Variants in PRKG1 observed in about 807,000 individuals in gnomAD.
The protein encoded by PRKG1 is cGMP-dependent protein kinase 1.
In PRKG1, 35 loss-of-function variants were observed where a neutral mutation model predicts 88.1. The ratio of observed to expected loss-of-function variants is 0.40; its 90% CI spans 0.30 to 0.53. The LOEUF (loss-of-function observed/expected upper bound fraction) is 0.53, where lower values mean the gene tolerates loss of function less well. Ranked by LOEUF, PRKG1 falls within the 20% of genes least tolerant of loss-of-function variation. PRKG1 has a pLI of 0.59. For synonymous variants in PRKG1, 303 were observed against 292.5 expected, an observed-to-expected ratio of 1.04 and a Z score of -0.37; for missense variants, 540 against 839.8, an observed-to-expected ratio of 0.64 and a Z score of 4.41.
intron 1 of PRKG1, among the ~76,000 whole-genome samples, chr10:51,087,287 TTGATGA>T (rs60114266): frequency 0.036 from 5,523 of 151,570 alleles, 122 homozygotes; most frequent in Middle Eastern, 0.058. Flanking sequence ...TGGTCAATTA[TTGATGA>T]TGATGATGAT....
chr10:52,126,627 T>C (rs1847937740), intron 7 of PRKG1, among the ~76,000 whole-genome samples: 1 of 152,178 alleles, frequency 6.6e-6, no homozygotes, highest in Non-Finnish European at 1.5e-5. Context: ...ATTACAAGTG[T>C]GTGCCGCCAA....
chr10:51,305,659 G>A (rs562483180), intron 2 of PRKG1, among the ~76,000 whole-genome samples: 8 of 152,244 alleles, frequency 5.3e-5, no homozygotes, highest in Admixed American at 1.3e-4. Flanking sequence ...TGATTTCAGC[G>A]TCTTCCTTAT....
intron 2 of PRKG1, among the ~76,000 whole-genome samples, chr10:51,372,731 A>G (rs957811028): frequency 1.3e-5 from 2 of 152,196 alleles, no homozygotes; most frequent in Non-Finnish European, 2.9e-5. Flanking sequence ...GCTTTGAAAA[A>G]TCACAAATTG....
intron 4 of PRKG1, among the ~76,000 whole-genome samples, chr10:51,820,612 C>T (rs998497187): frequency 6.6e-6 from 1 of 152,090 alleles, no homozygotes; most frequent in Non-Finnish European, 1.5e-5. Context: ...GCTATGGCTT[C>T]AGAGCAGGAG....
intron 8 of PRKG1, among the ~76,000 whole-genome samples, chr10:52,158,290 C>A (rs1838181391): frequency 6.6e-6 from 1 of 151,586 alleles, no homozygotes; most frequent in Admixed American, 6.6e-5. Flanking sequence ...TCATTATAAT[C>A]ATTTTCAGAA....
At chr10:51,506,649 ACAACAGGTG>A (rs1488641180) in intron 3 of PRKG1, among the ~76,000 whole-genome samples, 2 of 152,170 alleles carry the variant, frequency 1.3e-5, no homozygotes, top group African/African-American at 2.4e-5. Context: ...AAGTCAGGAA[ACAACAGGTG>A]CTGGAGAGGA....
At chr10:51,166,583 A>G (rs1365654741) in intron 2 of PRKG1, among the ~76,000 whole-genome samples, 1 of 152,208 alleles carries the variant, frequency 6.6e-6, no homozygotes, top group Non-Finnish European at 1.5e-5. Context: ...GAAAATTAAG[A>G]TGCCTTTTAT....
chr10:51,577,128 G>C (rs1334775862), intron 3 of PRKG1, among the ~76,000 whole-genome samples: 2 of 151,972 alleles, frequency 1.3e-5, no homozygotes, highest in Non-Finnish European at 2.9e-5. Flanking sequence ...TGCTGTGAAA[G>C]TCACTTTATC....
At chr10:51,135,232 A>C (rs1019732622) in intron 1 of PRKG1, among the ~76,000 whole-genome samples, 12 of 152,208 alleles carry the variant, frequency 7.9e-5, no homozygotes, top group Non-Finnish European at 1.8e-4. Flanking sequence ...GAGATCTGAA[A>C]AAATAAGCAG....
At chr10:51,542,000 G>A (rs2132112754) in intron 3 of PRKG1, among the ~76,000 whole-genome samples, 1 of 152,168 alleles carries the variant, frequency 6.6e-6, no homozygotes, top group South Asian at 2.1e-4. Flanking sequence ...AACCACCAGA[G>A]ACACTCCAGG....
chr10:50,991,714 C>T lies in PRKG1; in HGVS notation c.266+70C>T. Reference sequence around the variant, plus strand: ...GCGCAGAGGCTGGGGGCTCTGGCCGCGGCGGCGGGGGCGGGTCGGCCCAGG... The same window carrying T: ...GCGCAGAGGCTGGGGGCTCTGGCCGTGGCGGCGGGGGCGGGTCGGCCCAGG... On this transcript the variant is annotated intron_variant, in intron 1 of 17. Transcript: ENST00000401604. This position sits in a 1 kb window ranked among gnomAD's most constrained non-coding sequence, Gnocchi z 4.5. 8.9e-7 allele frequency: 1 copy of T among 1,129,422 alleles called. No individual in the cohort carries two copies. The highest frequency in any genetic ancestry group is 1.1e-6 in the Non-Finnish European group (1 of 916,244). 70.0% of individuals were successfully genotyped at this position (1,129,422 alleles called of 1,614,324 possible).
chr10:51,421,929 T>G (rs943365093), intron 2 of PRKG1, among the ~76,000 whole-genome samples: 20 of 152,196 alleles, frequency 1.3e-4, no homozygotes, highest in Admixed American at 1.3e-3. Flanking sequence ...TTTTCCACAT[T>G]TGTAAAATCA....
At chr10:51,531,115 T>G (rs1266902800) in intron 3 of PRKG1, among the ~76,000 whole-genome samples, 1 of 152,168 alleles carries the variant, frequency 6.6e-6, no homozygotes, top group African/African-American at 2.4e-5. Flanking sequence ...ATTTTACTCC[T>G]CAGTATAAAA....
At chr10:51,703,693 A>T (rs528511861) in intron 3 of PRKG1, among the ~76,000 whole-genome samples, 45 of 152,346 alleles carry the variant, frequency 3.0e-4, no homozygotes, top group Non-Finnish European at 5.9e-4. Flanking sequence ...TCCTTGGTTC[A>T]GTGGCATCAG....
chr10:51,040,717 A>G (rs1254745594), intron 1 of PRKG1, among the ~76,000 whole-genome samples: 5 of 152,232 alleles, frequency 3.3e-5, no homozygotes, highest in Admixed American at 3.3e-4. Flanking sequence ...ATTTGTAGCT[A>G]TTGTAAATGG....
chr10:52,035,130 G>A (rs544517735), intron 5 of PRKG1, among the ~76,000 whole-genome samples: 53 of 152,236 alleles, frequency 3.5e-4, no homozygotes, highest in Non-Finnish European at 2.5e-4. Flanking sequence ...CTAAACTGAG[G>A]AATTATGTCT....
intron 5 of PRKG1, among the ~76,000 whole-genome samples, chr10:51,914,890 A>G (rs1842304148): frequency 6.6e-6 from 1 of 152,224 alleles, no homozygotes; most frequent in Non-Finnish European, 1.5e-5. Flanking sequence ...TAATTGGAAC[A>G]TTATAAGAAA....
At chr10:52,184,160 T>C (rs943756460) in intron 9 of PRKG1, among the ~76,000 whole-genome samples, 8 of 152,240 alleles carry the variant, frequency 5.3e-5, no homozygotes, top group Non-Finnish European at 7.3e-5. Flanking sequence ...AAAGTTTTGC[T>C]TTTTAAAATG....
chr10:51,192,056 A>G (rs1345921153), intron 2 of PRKG1, among the ~76,000 whole-genome samples: 1 of 151,792 alleles, frequency 6.6e-6, no homozygotes, highest in Non-Finnish European at 1.5e-5. Context: ...CCTGTGGACT[A>G]GAGCCATGCA....
Sources: gnomAD v4.1 joint callset for allele counts (sites outside exome capture counted in the v4.1 genomes callset) on GRCh38, gnomAD v4.1.1 for gene constraint, Gnocchi (gnomAD v3.1) non-coding constraint, MANE v1.5 for transcripts, NCBI Gene and HGNC (gene_info 2026-07-23, HGNC 2026-07-21) for gene names.